The following TIAM1 variants were observed in gnomAD, a reference collection of about 807,000 sequenced individuals.
TIAM1 encodes the protein rho guanine nucleotide exchange factor TIAM1.
A neutral mutation model predicts 163.5 loss-of-function variants in TIAM1; 65 were observed. The ratio of observed to expected loss-of-function variants is 0.40; its 90% CI spans 0.33 to 0.49. TIAM1 has a LOEUF of 0.49. Ranked by LOEUF, TIAM1 falls within the 20% of genes least tolerant of loss-of-function variation. The pLI is 0.77. For missense variants in TIAM1, 1,789 were observed against 2,044.7 expected (o/e 0.87, Z 2.41); for synonymous variants, 833 against 810.1 (o/e 1.03, Z -0.48).
intron 2 of TIAM1, among the ~76,000 whole-genome samples, chr21:31,398,277 C>T (rs1489607118): frequency 6.6e-6 from 1 of 151,682 alleles, no homozygotes; most frequent in East Asian, 1.9e-4. Context: ...TTCAGAAAGG[C>T]GTGTAAAATT....
chr21:31,264,526 G>A (rs2072651843), intron 4 of TIAM1, among the ~76,000 whole-genome samples: 1 of 152,136 alleles, frequency 6.6e-6, no homozygotes, highest in African/African-American at 2.4e-5. Context: ...AAGAAATTAA[G>A]GCTACAAGAA....
At chr21:31,308,834 A>G (rs1298901324) in intron 2 of TIAM1, among the ~76,000 whole-genome samples, 3 of 152,154 alleles carry the variant, frequency 2.0e-5, no homozygotes, top group Non-Finnish European at 4.4e-5. Flanking sequence ...TGTAGTCCCT[A>G]TGTACAGCCT....
At chr21:31,184,243 T>A (rs1369351180) in intron 14 of TIAM1, among the ~76,000 whole-genome samples, 2 of 152,006 alleles carry the variant, frequency 1.3e-5, no homozygotes, top group Non-Finnish European at 2.9e-5. Context: ...GTAGCTAGGA[T>A]TATAGGTGCG....
chr21:31,397,047 T>C (rs773572658), intron 2 of TIAM1, among the ~76,000 whole-genome samples: 6 of 152,232 alleles, frequency 3.9e-5, no homozygotes, highest in Admixed American at 2.0e-4. Flanking sequence ...TGTGATATGA[T>C]TGTATTTAAG....
chr21:31,240,385 T>C (rs2071102337), intron 6 of TIAM1, among the ~76,000 whole-genome samples: 1 of 152,178 alleles, frequency 6.6e-6, no homozygotes, highest in African/African-American at 2.4e-5. Flanking sequence ...TGAACTTCAG[T>C]AAAAACAGCA....
chr21:31,319,935 C>T (rs1384936417), intron 2 of TIAM1, among the ~76,000 whole-genome samples: 1 of 152,072 alleles, frequency 6.6e-6, no homozygotes, highest in African/African-American at 2.4e-5. Flanking sequence ...AAGTGTCTAT[C>T]CAAGTCCTAT....
chr21:31,463,188 C>G (rs1259113240), intron 2 of TIAM1, among the ~76,000 whole-genome samples: 3 of 152,266 alleles, frequency 2.0e-5, no homozygotes, highest in Admixed American at 6.5e-5. Context: ...AAGACATAAG[C>G]CTTTCGACTC....
intron 2 of TIAM1, among the ~76,000 whole-genome samples, chr21:31,332,890 G>A (rs1158675030): frequency 6.6e-6 from 1 of 151,950 alleles, no homozygotes; most frequent in Non-Finnish European, 1.5e-5. Context: ...TGAGAAAGGT[G>A]AAGCAGAAAC....
intron 6 of TIAM1, among the ~76,000 whole-genome samples, chr21:31,239,840 T>A (rs546517608): frequency 1.3e-3 from 192 of 152,320 alleles, no homozygotes; most frequent in African/African-American, 4.4e-3. Flanking sequence ...GTATCAAGTT[T>A]GCAAAGATGA....
intron 1 of TIAM1, among the ~76,000 whole-genome samples, chr21:31,493,584 A>G (rs2046545933): frequency 6.6e-6 from 1 of 152,238 alleles, no homozygotes; most frequent in Admixed American, 6.5e-5. Flanking sequence ...GGGTATGTAT[A>G]GGCAAGTCAT....
chr21:31,304,745 C>T lies in TIAM1; in HGVS notation c.-188-27837G>A, dbSNP rs1439118277. Among the ~76,000 whole-genome samples, 4 of 152,100 alleles carry T rather than the reference C, an allele frequency of 2.6e-5. No homozygotes were observed. In the East Asian group the frequency reaches 7.7e-4, roughly 29 times the overall value. On this transcript the variant is annotated intron_variant, in intron 2 of 27. Transcript: ENST00000541036. ...GCCCAGGCTGGAGTGCAGTGACACA[C>T]CCAGTGGCATGATCTCAGCTCACTG...
At chr21:31,446,741 G>A (rs1179777269) in intron 2 of TIAM1, among the ~76,000 whole-genome samples, 1 of 152,160 alleles carries the variant, frequency 6.6e-6, no homozygotes, top group Non-Finnish European at 1.5e-5. Context: ...GCCGGGCCAC[G>A]CTCAGCCAAC....
In TIAM1 at chr21:31,558,010, G is replaced by C. The variant is rs367735000; in HGVS notation, c.-422+917C>G. ...CCTGCAGCATCCCGCCCCGCGGCCG[G>C]GGGGAGGGGGCGTCACCTGACAGCG... On this transcript the variant is annotated intron_variant, in intron 1 of 28. Coordinates refer to the TIAM1 transcript ENST00000286827. Among the ~76,000 whole-genome samples the C allele has an allele frequency of 3.8e-4, 58 of 152,252 alleles. 1 individual carries two copies. The South Asian group carries it at 0.012, about 32-fold the overall frequency.
chr21:31,148,956 CTTTTTCTT>C (rs202222788), intron 19 of TIAM1, among the ~76,000 whole-genome samples: 1 of 28,844 alleles, frequency 3.5e-5, no homozygotes, highest in African/African-American at 9.3e-5. Flanking sequence ...ACAAGTTTTT[CTTTTTCTT>C]TTTTTTTTGG....
At chr21:31,439,632 G>A (rs950614668) in intron 2 of TIAM1, among the ~76,000 whole-genome samples, 9 of 152,112 alleles carry the variant, frequency 5.9e-5, no homozygotes, top group African/African-American at 1.7e-4. Flanking sequence ...AACATCCTAC[G>A]AAATGATCCC....
chr21:31,284,154 C>T (rs2073693104), intron 2 of TIAM1, among the ~76,000 whole-genome samples: 1 of 152,282 alleles, frequency 6.6e-6, no homozygotes, highest in African/African-American at 2.4e-5. Context: ...AATCTAAGCT[C>T]GTGCAAGAAG....
intron 3 of TIAM1, among the ~76,000 whole-genome samples, chr21:31,267,515 CATTTTTTTTT>C (rs925795593): frequency 1.1e-4 from 13 of 118,126 alleles, no homozygotes; most frequent in Middle Eastern, 4.3e-3. Flanking sequence ...TTCGTTTTTT[CATTTTTTTTT>C]TTTTTTTGGC....
intron 16 of TIAM1, among the ~76,000 whole-genome samples, chr21:31,155,113 T>A (rs1049954889): frequency 5.3e-5 from 8 of 152,212 alleles, no homozygotes; most frequent in Non-Finnish European, 1.2e-4. Context: ...GAGATCCCAG[T>A]CTCCACATCT....
At chr21:31,277,500 C>A (rs1601800306) in intron 2 of TIAM1, among the ~76,000 whole-genome samples, 1 of 152,242 alleles carries the variant, frequency 6.6e-6, no homozygotes, top group East Asian at 1.9e-4. Context: ...CAAAAATTAC[C>A]CAGGCATGAT....
Sources: allele counts gnomAD v4.1 joint callset (sites outside exome capture counted in the v4.1 genomes callset), GRCh38; gene constraint gnomAD v4.1.1; transcripts MANE v1.5; gene names NCBI Gene and HGNC (gene_info 2026-07-23, HGNC 2026-07-21).